The following TGFBR1 variants were observed in gnomAD, a reference collection of about 807,000 sequenced individuals.
TGFBR1 encodes the protein TGF-beta receptor type-1.
Under a neutral mutation model 55.1 loss-of-function variants are expected in TGFBR1, and 20 were observed. The ratio of observed to expected loss-of-function variants is 0.36; its 90% CI spans 0.26 to 0.53. The LOEUF is 0.53. Among genes scored for constraint, TGFBR1 ranks in the 20% least tolerant of loss-of-function variants. The pLI, the probability that TGFBR1 is intolerant of heterozygous loss-of-function variation, is 0.91. For missense variants in TGFBR1, 385 were observed against 617.6 expected, an observed-to-expected ratio of 0.62 and a Z score of 3.99; for synonymous variants, 220 against 214.8, an observed-to-expected ratio of 1.02 and a Z score of -0.21.
chr9:99,106,463 A>G (rs1383774366), intron 1 of TGFBR1, among the ~76,000 whole-genome samples: 3 of 152,244 alleles, frequency 2.0e-5, no homozygotes, highest in African/African-American at 7.2e-5. Flanking sequence ...ACTGACGGTG[A>G]CGATTATAAT....
Position 99,138,103 on chromosome 9 carries a change from G to T in TGFBR1, c.805+14G>T, listed in dbSNP as rs202131914. The T allele has an allele frequency of 3.7e-6, 6 of 1,606,588 alleles. No homozygotes were observed. Among genetic ancestry groups the T allele is most frequent in the Non-Finnish European group, 5.1e-6 (6 of 1,173,474 alleles). On this transcript the variant is annotated intron_variant, in intron 4 of 8. Transcript: ENST00000374994. ...CAGACAATAAAGGTCTGTAACATTT[G>T]CTTTTCCTTATGTTATATATAACAA... is the stretch of plus-strand genomic sequence containing the variant.
At position 99,132,522 on chromosome 9, in the gene TGFBR1, T is replaced by C; in HGVS notation, c.357T>C (p.Pro119=). 6.2e-7 allele frequency: 1 copy of C among 1,614,188 alleles called. No homozygotes were observed. Among genetic ancestry groups the C allele is most frequent in the Non-Finnish European group, 8.5e-7 (1 of 1,180,032 alleles). The change falls in exon 3 of 9, where the codon CCT becomes CCC. Residue 119 remains proline, a synonymous_variant. Transcript: ENST00000374994. ...IELPTTVKSS[P]GLGPVELAAV... ...GCCCTTTTTCAGTAAAGTCATCACC[T>C]GGCCTTGGTCCTGTGGAACTGGCAG...
At chr9:99,148,037 A>G (rs1464434761) in intron 8 of TGFBR1, among the ~76,000 whole-genome samples, 1 of 152,224 alleles carries the variant, frequency 6.6e-6, no homozygotes, top group African/African-American at 2.4e-5. Context: ...ACTAAGGCAC[A>G]TATTTTTAAA....
At chr9:99,142,805 T>A in intron 5 of TGFBR1, 102 bp downstream of exon 5, 1 of 1,358,798 alleles carries the variant, frequency 7.4e-7, no homozygotes, top group Non-Finnish European at 1.0e-6. Flanking sequence ...ATGCCTATAA[T>A]CCCAGCACTT....
At chr9:99,110,899 T>C (rs1366578884) in intron 1 of TGFBR1, among the ~76,000 whole-genome samples, 1 of 152,236 alleles carries the variant, frequency 6.6e-6, no homozygotes. Flanking sequence ...CAAATGCTCC[T>C]CTACTTATGA....
In TGFBR1 at chr9:99,146,502, T is replaced by C. The variant is rs1827800178; in HGVS notation, c.1148T>C (p.Val383Ala). ...VGTKRYMAPEVLDDSINMKHF... is the reference protein window; with the variant it reads ...VGTKRYMAPEALDDSINMKHF... ...TTTTTTAGGTACATGGCCCCTGAAG[T>C]TCTCGATGATTCCATAAATATGAAA... The change falls in exon 7 of 9, where the codon GTT (valine) becomes GCT (alanine). Residue 383 changes from valine to alanine, a missense_variant. Physicochemically the swap from Val to Ala is moderately conservative, Grantham distance 64. Around this residue, in one of 5 missense-constraint regions of TGFBR1, gnomAD observed 110 missense variants for 154.6 expected, o/e 0.71. Coordinates refer to ENST00000374994, the MANE Select transcript of TGFBR1 (RefSeq NM_004612.4). 1 of 1,613,902 alleles carries C rather than the reference T, an allele frequency of 6.2e-7. No individual in the cohort carries two copies. The highest frequency in any genetic ancestry group is 1.3e-5 in the African/African-American group (1 of 75,016).
chr9:99,106,077 A>G (rs970160398), intron 1 of TGFBR1, among the ~76,000 whole-genome samples: 4 of 152,238 alleles, frequency 2.6e-5, no homozygotes, highest in Admixed American at 1.3e-4. Flanking sequence ...CATAGTGGAA[A>G]CTTGAACGTT....
intron 1 of TGFBR1, among the ~76,000 whole-genome samples, chr9:99,122,683 A>G (rs1187430200): frequency 6.6e-6 from 1 of 152,164 alleles, no homozygotes; most frequent in African/African-American, 2.4e-5. Flanking sequence ...AATATTTGGA[A>G]ATTTCACTGC....
chr9:99,146,612 A>G lies in TGFBR1; in HGVS notation c.1255+3A>G. The G allele has an allele frequency of 6.2e-7, 1 of 1,613,944 alleles. No individual in the cohort carries two copies. The highest frequency in any genetic ancestry group is 8.5e-7 in the Non-Finnish European group (1 of 1,179,848). On this transcript the variant is annotated splice_donor_region_variant and intron_variant, in intron 7 of 8. Coordinates refer to ENST00000374994, the MANE Select transcript of TGFBR1 (RefSeq NM_004612.4). ...TGCTCGACGATGTTCCATTGGTGGTAAATTGCTCTCCTCTCCCCCAGTAGT... is the reference window on the plus strand; with the variant it reads ...TGCTCGACGATGTTCCATTGGTGGTGAATTGCTCTCCTCTCCCCCAGTAGT...
At chr9:99,143,552 A>G (rs11568785) in intron 5 of TGFBR1, among the ~76,000 whole-genome samples, 10,749 of 152,246 alleles carry the variant, frequency 0.071, 465 homozygotes, top group Middle Eastern at 0.085. Context: ...TTGCAACCCA[A>G]TGGCTCCCCC....
chr9:99,113,960 T>C (rs1226096345), intron 1 of TGFBR1, among the ~76,000 whole-genome samples: 1 of 152,186 alleles, frequency 6.6e-6, no homozygotes, highest in Non-Finnish European at 1.5e-5. Context: ...GTCGGACTTG[T>C]TTATCTCTAA....
chr9:99,123,040 A>T (rs1225610114), intron 1 of TGFBR1, among the ~76,000 whole-genome samples: 3 of 152,086 alleles, frequency 2.0e-5, no homozygotes, highest in African/African-American at 7.2e-5. Context: ...TGAATTTTAT[A>T]CTTAGACTTG....
At chr9:99,138,864 C>A (rs144913106) in intron 4 of TGFBR1, among the ~76,000 whole-genome samples, 1 of 151,908 alleles carries the variant, frequency 6.6e-6, no homozygotes, top group African/African-American at 2.4e-5. Flanking sequence ...GTGGTGCAAT[C>A]TCGGCTCACT....
At chr9:99,115,116 T>C (rs552867146) in intron 1 of TGFBR1, among the ~76,000 whole-genome samples, 2 of 152,264 alleles carry the variant, frequency 1.3e-5, no homozygotes, top group East Asian at 3.9e-4. Context: ...TTTATAGAAG[T>C]CTTTGTACAT....
At chr9:99,129,978 T>G (rs1286913322) in intron 2 of TGFBR1, among the ~76,000 whole-genome samples, 3 of 152,202 alleles carry the variant, frequency 2.0e-5, no homozygotes, top group Non-Finnish European at 4.4e-5. Flanking sequence ...TTTTTAATTT[T>G]AAGATTCCGG....
At chr9:99,142,066 T>A (rs1440028853) in intron 4 of TGFBR1, among the ~76,000 whole-genome samples, 1 of 152,200 alleles carries the variant, frequency 6.6e-6, no homozygotes, top group Non-Finnish European at 1.5e-5. Flanking sequence ...GAAACTCACT[T>A]TCAGTTTTGT....
rs992759352 is a variant in TGFBR1 at position 99,142,412 on chromosome 9, C to G, written c.806-124C>G. 3.0e-6 allele frequency: 3 copies of G among 1,014,796 alleles called. No homozygotes were observed. In the African/African-American group the frequency reaches 4.8e-5, roughly 16 times the overall value. 62.9% of individuals were successfully genotyped at this position (1,014,796 alleles called of 1,614,324 possible). A position where few individuals can be genotyped will look rare whatever the true frequency, so the allele number is the denominator to read the frequency against. On this transcript the variant is annotated intron_variant, in intron 4 of 8. Transcript: ENST00000374994. ...TGTAGAAGAAAATGTGAAGGAAATA[C>G]AGACTTAAGGTGGCATTATATTGCA... is the stretch of plus-strand genomic sequence containing the variant.
intron 1 of TGFBR1, among the ~76,000 whole-genome samples, chr9:99,119,720 C>T (rs1826844914): frequency 2.0e-5 from 3 of 152,138 alleles, no homozygotes; most frequent in Admixed American, 1.3e-4. Context: ...TGGGTTGGAA[C>T]TGAAAATATA....
intron 1 of TGFBR1, among the ~76,000 whole-genome samples, chr9:99,121,684 G>A (rs768319479): frequency 3.3e-5 from 5 of 152,084 alleles, no homozygotes; most frequent in Non-Finnish European, 7.4e-5. Context: ...AAAGGACATT[G>A]TGCATGTTAG....
Sources: gnomAD v4.1 joint callset for allele counts (sites outside exome capture counted in the v4.1 genomes callset) on GRCh38, gnomAD v4.1.1 for gene constraint, gnomAD v4.1.1 regional missense constraint, MANE v1.5 for transcripts, NCBI Gene and HGNC (gene_info 2026-07-23, HGNC 2026-07-21) for gene names.